Variants in PDCD2L observed in about 807,000 individuals in gnomAD.
The protein encoded by PDCD2L is programmed cell death 2 like.
PDCD2L carries 44 observed loss-of-function variants against 40.4 expected under a neutral mutation model. The ratio of observed to expected loss-of-function variants is 1.09; its 90% CI spans 0.86 to 1.40. The LOEUF (loss-of-function observed/expected upper bound fraction) is 1.40, where lower values mean the gene tolerates loss of function less well. Ranked by LOEUF, PDCD2L falls within the 40% of genes most tolerant of loss-of-function variation. The probability of loss-of-function intolerance (pLI) is 0.00; values close to 1 mark genes in which losing one functional copy is unlikely to be tolerated. For missense variants in PDCD2L, 470 were observed against 453.7 expected, an observed-to-expected ratio of 1.04 and a Z score of -0.33; for synonymous variants, 194 against 174.6, an observed-to-expected ratio of 1.11 and a Z score of -0.88.
intron 5 of PDCD2L, among the ~76,000 whole-genome samples, chr19:34,414,087 A>G (rs886711182): frequency 6.6e-6 from 1 of 152,184 alleles, no homozygotes; most frequent in African/African-American, 2.4e-5. Flanking sequence ...TCTGCATGCC[A>G]GTTGCTGGTA....
intron 3 of PDCD2L, among the ~76,000 whole-genome samples, chr19:34,407,150 T>C (rs1347766139): frequency 2.0e-5 from 3 of 151,872 alleles, no homozygotes; most frequent in Non-Finnish European, 2.9e-5. Context: ...TCCAGATTTT[T>C]TTTTTTCTTT....
In PDCD2L at chr19:34,404,639, G is replaced by C. The variant is rs753278883; in HGVS notation, c.109-10G>C. 1 of 1,609,096 alleles carries C rather than the reference G, an allele frequency of 6.2e-7. No individual in the cohort carries two copies. Among genetic ancestry groups the C allele is most frequent in the Non-Finnish European group, 8.5e-7 (1 of 1,178,954 alleles). On this transcript the variant is annotated splice_polypyrimidine_tract_variant and intron_variant, in intron 1 of 6. Transcript: ENST00000246535. ...GAGTCGGGGTCTGAGCGCCTCCTCTGTCCCCTCAGGATGCTCTGCCCACCG... is the reference window on the plus strand; with the variant it reads ...GAGTCGGGGTCTGAGCGCCTCCTCTCTCCCCTCAGGATGCTCTGCCCACCG...
intron 5 of PDCD2L, among the ~76,000 whole-genome samples, chr19:34,414,483 T>C (rs2075118444): frequency 7.2e-6 from 1 of 139,302 alleles, no homozygotes; most frequent in Admixed American, 7.3e-5. Flanking sequence ...GCTTTTTTTT[T>C]TTTTTTTTTT....
rs756334063 is a variant in PDCD2L at position 34,426,025 on chromosome 19, A to G, written c.982A>G (p.Thr328Ala). The G allele has an allele frequency of 5.0e-6, 8 of 1,613,464 alleles. No homozygotes were observed. Among genetic ancestry groups the G allele is most frequent in the Non-Finnish European group, 5.9e-6 (7 of 1,179,528 alleles). The change falls in exon 7 of 7, where the codon ACA becomes GCA. Residue 328 changes from threonine (T) to alanine (A), a missense_variant. Coordinates refer to ENST00000246535, the MANE Select transcript of PDCD2L (RefSeq NM_032346.2). ...SVEFGTILVY[T>A]CEKSCWPPNH... is the part of the protein sequence containing the mutation. ...GGAATTTGGAACAATTCTAGTTTACACATGTGAGAAGAGTTGCTGGCCCCC... is the reference window on the plus strand; with the variant it reads ...GGAATTTGGAACAATTCTAGTTTACGCATGTGAGAAGAGTTGCTGGCCCCC...
chr19:34,413,754 A>G lies in PDCD2L; in HGVS notation c.704A>G (p.Asp235Gly), dbSNP rs149118151. 159 of 1,589,110 alleles carry G rather than the reference A, an allele frequency of 1.0e-4. 2 individuals carry two copies. In the Middle Eastern group the frequency reaches 1.2e-3, roughly 12 times the overall value. Reference sequence around the variant, plus strand: ...GTTTTTAGCCTTCCTAATGATGGTGATGAAAAATATGAGAAGACCATAATT... The same window carrying G: ...GTTTTTAGCCTTCCTAATGATGGTGGTGAAAAATATGAGAAGACCATAATT... The part of the protein sequence containing the change: ...LLSQSLPNDG[D>G]EKYEKTIIKS... The change falls in exon 5 of 7, where the codon GAT becomes GGT. Residue 235 changes from aspartate to glycine, a missense_variant. By Grantham distance (94) the Asp-to-Gly change is moderately conservative. Transcript: ENST00000246535.
At chr19:34,408,801 T>G (rs552349795) in intron 3 of PDCD2L, among the ~76,000 whole-genome samples, 3 of 152,324 alleles carry the variant, frequency 2.0e-5, no homozygotes, top group South Asian at 4.1e-4. Flanking sequence ...GTAGACCTGA[T>G]TAGCAGACCC....
At chr19:34,418,158 G>A (rs951657960) in intron 5 of PDCD2L, among the ~76,000 whole-genome samples, 2 of 152,170 alleles carry the variant, frequency 1.3e-5, no homozygotes, top group Non-Finnish European at 1.5e-5. Context: ...AACAGACTGC[G>A]TATATTTTTA....
chr19:34,418,238 A>T (rs2075134498), intron 5 of PDCD2L, among the ~76,000 whole-genome samples: 1 of 152,184 alleles, frequency 6.6e-6, no homozygotes, highest in Admixed American at 6.6e-5. Context: ...CAGTAAACAT[A>T]TTCCTCTCTG....
At chr19:34,418,386 G>A (rs556973707) in intron 5 of PDCD2L, among the ~76,000 whole-genome samples, 32 of 152,092 alleles carry the variant, frequency 2.1e-4, no homozygotes, top group East Asian at 1.2e-3. Flanking sequence ...GGTCATATGG[G>A]ATATACTTTT....
chr19:34,425,107 C>A (rs1003717701), intron 6 of PDCD2L, among the ~76,000 whole-genome samples: 1 of 151,930 alleles, frequency 6.6e-6, no homozygotes, highest in African/African-American at 2.4e-5. Flanking sequence ...TCATTGCCTA[C>A]GTCATCCTCT....
chr19:34,412,212 G>A (rs903189487), intron 4 of PDCD2L, among the ~76,000 whole-genome samples: 3 of 151,406 alleles, frequency 2.0e-5, no homozygotes, highest in African/African-American at 7.3e-5. Flanking sequence ...TAGAGACAGG[G>A]TTTCACCATG....
chr19:34,419,985 G>C (rs899306482), intron 5 of PDCD2L, among the ~76,000 whole-genome samples: 1 of 150,952 alleles, frequency 6.6e-6, no homozygotes, highest in South Asian at 2.1e-4. Context: ...GCTAATTTTT[G>C]TATTATTATT....
chr19:34,421,319 A>G (rs62123391), intron 5 of PDCD2L, 200 bp from the exon 6 acceptor site: 514,369 of 615,356 alleles, frequency 0.84, 217,413 homozygotes, highest in Non-Finnish European at 0.88. Flanking sequence ...TTGAACATTG[A>G]CTTTAGTGCC....
intron 5 of PDCD2L, among the ~76,000 whole-genome samples, chr19:34,420,775 GA>G (rs34955800): frequency 2.9e-5 from 4 of 136,470 alleles, no homozygotes; most frequent in Non-Finnish European, 6.3e-5. Context: ...CTGGGCAACA[GA>G]AAAAGGCTTT....
intron 4 of PDCD2L, among the ~76,000 whole-genome samples, chr19:34,411,265 A>T (rs1240493031): frequency 8.7e-6 from 1 of 115,060 alleles, no homozygotes. Flanking sequence ...TTTTTGAGAC[A>T]GTCTTGCTCT....
intron 5 of PDCD2L, among the ~76,000 whole-genome samples, chr19:34,421,022 T>A (rs1214065876): frequency 6.6e-6 from 1 of 152,226 alleles, no homozygotes; most frequent in Admixed American, 6.5e-5. Context: ...CAGTTCACAA[T>A]AGGATTTGCG....
intron 5 of PDCD2L, 53 bp downstream of exon 5, chr19:34,413,900 A>G: frequency 8.6e-7 from 1 of 1,161,298 alleles, no homozygotes; most frequent in Non-Finnish European, 1.3e-6. Context: ...AAAGGAATAC[A>G]TATTAGTTTG....
chr19:34,419,242 A>C lies in PDCD2L; in HGVS notation c.798-2277A>C, dbSNP rs556724730. ...AGTGGCACGATCTTGGCTCACTGCA[A>C]CCTCTGCCTCCCAGGTTCAACGATT... On this transcript the variant is annotated intron_variant, in intron 5 of 6. Transcript: ENST00000246535. Among the ~76,000 whole-genome samples, 4 of 151,994 alleles carry C rather than the reference A, an allele frequency of 2.6e-5. No homozygotes were observed. The South Asian group carries it at 8.3e-4, about 32-fold the overall frequency.
chr19:34,411,809 C>T (rs1162401332), intron 4 of PDCD2L, among the ~76,000 whole-genome samples: 1 of 151,716 alleles, frequency 6.6e-6, no homozygotes, highest in Non-Finnish European at 1.5e-5. Context: ...TACCCGCCAC[C>T]ACACCCGGTT....
Sources: gnomAD v4.1 joint callset for allele counts (sites outside exome capture counted in the v4.1 genomes callset) on GRCh38, gnomAD v4.1.1 for gene constraint, MANE v1.5 for transcripts, NCBI Gene and HGNC (gene_info 2026-07-23, HGNC 2026-07-21) for gene names.